The following NEXMIF variants were observed in gnomAD, a reference collection of about 807,000 sequenced individuals.
The protein encoded by NEXMIF is XLMR protein related to neurite extension.
In NEXMIF, 8 loss-of-function variants were observed where a neutral mutation model predicts 62.1. That is an observed-to-expected ratio of 0.13 (90% CI 0.08 to 0.23). NEXMIF has a LOEUF of 0.23. NEXMIF is among the 10% of genes least tolerant of loss of function. The pLI, the probability that NEXMIF is intolerant of heterozygous loss-of-function variation, is 1.00. For missense variants in NEXMIF, 976 were observed against 1,113.3 expected (o/e 0.88, Z 1.75); for synonymous variants, 404 against 416.6 (o/e 0.97, Z 0.37).
intron 1 of NEXMIF, among the ~76,000 whole-genome samples, chrX:74,881,232 C>A (rs138677687): frequency 9.0e-6 from 1 of 111,339 alleles, no homozygotes; most frequent in East Asian, 2.8e-4. Context: ...GCTGTACCTA[C>A]AACCTTTGGG....
At chrX:74,817,971 A>G (rs1336727392) in intron 1 of NEXMIF, among the ~76,000 whole-genome samples, 1 of 111,375 alleles carries the variant, frequency 9.0e-6, no homozygotes, top group African/African-American at 3.3e-5. Flanking sequence ...CAAACAAATA[A>G]GAAAAACATT....
intron 1 of NEXMIF, among the ~76,000 whole-genome samples, chrX:74,866,234 C>G (rs903870931): frequency 9.0e-5 from 10 of 111,659 alleles, no homozygotes; most frequent in African/African-American, 3.3e-4. Flanking sequence ...GACATGGGGT[C>G]AAAGGAGATC....
chrX:74,796,176 TATATAC>T (rs2080307731), intron 1 of NEXMIF, among the ~76,000 whole-genome samples: 1 of 73,501 alleles, frequency 1.4e-5, no homozygotes, highest in Non-Finnish European at 2.4e-5. Flanking sequence ...ATATATTATA[TATATAC>T]ATATATATTA....
At chrX:74,783,406 G>A (rs2080252019) in intron 1 of NEXMIF, among the ~76,000 whole-genome samples, 1 of 111,476 alleles carries the variant, frequency 9.0e-6, no homozygotes, top group African/African-American at 3.3e-5. Context: ...AAGAAGCAAT[G>A]AGTTCCCTTG....
chrX:74,745,526 G>A, intron 2 of NEXMIF, 46 bp downstream of exon 2: 1 of 910,466 alleles, frequency 1.1e-6, no homozygotes, highest in South Asian at 2.0e-5. Flanking sequence ...TAATAACAGA[G>A]GACTACCAGG....
intron 1 of NEXMIF, among the ~76,000 whole-genome samples, chrX:74,796,222 C>CATATATAATATATATATATATAA (rs1395627004): frequency 1.8e-5 from 1 of 54,108 alleles, no homozygotes; most frequent in Non-Finnish European, 3.1e-5. Flanking sequence ...TATATATATA[C>CATATATAATATATATATATATAA]ATATATAATA....
At chrX:74,857,317 C>T (rs1477964387) in intron 1 of NEXMIF, among the ~76,000 whole-genome samples, 1 of 112,155 alleles carries the variant, frequency 8.9e-6, no homozygotes, top group Non-Finnish European at 1.9e-5. Context: ...ATCTTGGCTC[C>T]CTGCTCAGCC....
rs1472280152 is a variant in NEXMIF, at chrX:74,787,419, C to G, written c.-47-41722G>C. Among the ~76,000 whole-genome samples the G allele has an allele frequency of 3.6e-5, 4 of 111,961 alleles. No individual in the cohort carries two copies. The East Asian group carries it at 1.1e-3, about 32-fold the overall frequency. ...TAATAATAAAGCAAGACCTACATAG[C>G]TAATTAGTTGTTACTTTTTGGTCTG... On this transcript the variant is annotated intron_variant, in intron 1 of 3. Coordinates refer to ENST00000055682, the MANE Select transcript of NEXMIF (RefSeq NM_001008537.3).
chrX:74,803,779 A>C (rs192225525), intron 1 of NEXMIF, among the ~76,000 whole-genome samples: 300 of 109,853 alleles, frequency 2.7e-3, no homozygotes, highest in Non-Finnish European at 4.8e-3. Flanking sequence ...AAAAACACAC[A>C]CACTTTTACC....
Position 74,740,694 on chromosome X carries a change from T to C in NEXMIF, c.3863A>G (p.Glu1288Gly). ...GLSGDWALGK[E>G]SSPGWSDMSM... is the part of the protein sequence containing the mutation. The stretch of plus-strand genomic sequence containing the variant: ...CATATCACTCCAGCCTGGGCTGCTC[T>C]CCTTCCCCAAGGCCCAATCTCCAGA... The change falls in exon 3 of 4, where the codon GAG becomes GGG. Residue 1288 changes from glutamate to glycine, a missense_variant. Glu to Gly is a moderately conservative substitution (Grantham distance 98, BLOSUM62 -2). Coordinates refer to ENST00000055682, the MANE Select transcript of NEXMIF (RefSeq NM_001008537.3). The C allele has an allele frequency of 1.7e-6, 2 of 1,212,105 alleles. No individual in the cohort carries two copies. Among genetic ancestry groups the C allele is most frequent in the Non-Finnish European group, 2.2e-6 (2 of 895,563 alleles).
chrX:74,752,098 T>C (rs1046924520), intron 1 of NEXMIF, among the ~76,000 whole-genome samples: 4 of 111,727 alleles, frequency 3.6e-5, no homozygotes, highest in African/African-American at 1.3e-4. Context: ...TGAGCCACTA[T>C]GCCCAGCCTA....
chrX:74,742,157 A>G lies in NEXMIF; in HGVS notation c.2400T>C (p.Ser800=). 1 of 1,211,790 alleles carries G rather than the reference A, an allele frequency of 8.3e-7. No homozygotes were observed. The highest frequency in any genetic ancestry group is 1.1e-6 in the Non-Finnish European group (1 of 895,392). ...CAGGTATATTAGTGGTAACATTAGC[A>G]GATGATAAAGGCATTTCAGAAGAGC... ...TTCSSEMPLS[S]ANVTTNIPVI... Residue 800 remains serine (S), a synonymous_variant, in exon 3 of 4, where the codon TCT becomes TCC. Transcript: ENST00000055682.
At chrX:74,906,110 AT>A (rs780838891) in intron 1 of NEXMIF, among the ~76,000 whole-genome samples, 11 of 106,571 alleles carry the variant, frequency 1.0e-4, no homozygotes, top group Admixed American at 4.0e-4. Context: ...TCTCTACACA[AT>A]TTTTTTTTTA....
At chrX:74,789,565 G>A (rs1235777299) in intron 1 of NEXMIF, among the ~76,000 whole-genome samples, 1 of 111,162 alleles carries the variant, frequency 9.0e-6, no homozygotes, top group African/African-American at 3.3e-5. Context: ...CTTCCACAAT[G>A]GTTGAACTAG....
At chrX:74,895,414 C>T (rs1389432536) in intron 1 of NEXMIF, among the ~76,000 whole-genome samples, 1 of 111,775 alleles carries the variant, frequency 8.9e-6, no homozygotes, top group Non-Finnish European at 1.9e-5. Flanking sequence ...AATGCAATCT[C>T]TATCAAAATA....
intron 1 of NEXMIF, among the ~76,000 whole-genome samples, chrX:74,859,577 C>T (rs1226647458): frequency 2.7e-5 from 3 of 111,216 alleles, no homozygotes; most frequent in African/African-American, 9.8e-5. Context: ...GTACAAAACT[C>T]ACTGGTAATA....
chrX:74,805,979 T>A (rs1304395013), intron 1 of NEXMIF, among the ~76,000 whole-genome samples: 1 of 110,428 alleles, frequency 9.1e-6, no homozygotes, highest in Non-Finnish European at 1.9e-5. Flanking sequence ...GGCTATTCAT[T>A]TTTTTTTTGC....
chrX:74,788,332 C>T (rs552741560), intron 1 of NEXMIF, among the ~76,000 whole-genome samples: 19 of 111,647 alleles, frequency 1.7e-4, no homozygotes, highest in African/African-American at 5.8e-4. Context: ...AATAGTATTT[C>T]ATATTCTATT....
chrX:74,761,465 CA>C (rs1279552555), intron 1 of NEXMIF, among the ~76,000 whole-genome samples: 1 of 110,869 alleles, frequency 9.0e-6, no homozygotes, highest in African/African-American at 3.3e-5. Context: ...TGTATGTGTC[CA>C]GGAATTTATC....
Sources: gnomAD v4.1 joint callset for allele counts (sites outside exome capture counted in the v4.1 genomes callset) on GRCh38, gnomAD v4.1.1 for gene constraint, MANE v1.5 for transcripts, NCBI Gene and HGNC (gene_info 2026-07-23, HGNC 2026-07-21) for gene names.